PTPRN: variants seen among roughly 807,000 people sequenced by gnomAD.
PTPRN encodes the protein protein tyrosine phosphatase receptor type N.
PTPRN carries 70 observed loss-of-function variants against 108.5 expected under a neutral mutation model. That is an observed-to-expected ratio of 0.65 (90% CI 0.53 to 0.79). PTPRN has a LOEUF of 0.79. PTPRN is among the 30% of genes least tolerant of loss of function. The pLI is 0.00. For missense variants in PTPRN, 1,136 were observed against 1,295.5 expected, an observed-to-expected ratio of 0.88 and a Z score of 1.89; for synonymous variants, 496 against 524.6, an observed-to-expected ratio of 0.95 and a Z score of 0.75.
chr2:219,300,062 C>G lies in PTPRN; in HGVS notation c.1359G>C (p.Gln453His). Reference protein sequence around the residue: ...VLLEKKSPLGQSQPTVAGQPS... With the variant: ...VLLEKKSPLGHSQPTVAGQPS... ...GCTGTCCTGCCACCGTGGGCTGGCT[C>G]TGGCCCAGTGGGCTTTTCTTCTCTA... is the stretch of plus-strand genomic sequence containing the variant. The change falls in exon 9 of 23, where the codon CAG becomes CAC. Residue 453 changes from glutamine to histidine, a missense_variant. Physicochemically the swap from Gln to His is conservative, Grantham distance 24. Coordinates refer to ENST00000295718, the MANE Select transcript of PTPRN (RefSeq NM_002846.4). The G allele has an allele frequency of 6.2e-7, 1 of 1,614,220 alleles. No homozygotes were observed. Among genetic ancestry groups the G allele is most frequent in the Non-Finnish European group, 8.5e-7 (1 of 1,180,036 alleles).
At chr2:219,305,661 C>T (rs1952465585) in intron 3 of PTPRN, among the ~76,000 whole-genome samples, 1 of 152,128 alleles carries the variant, frequency 6.6e-6, no homozygotes, top group Admixed American at 6.6e-5. Context: ...CCAAAGAATT[C>T]CAAATTTATA....
chr2:219,308,534 C>A (rs928912513), intron 1 of PTPRN, among the ~76,000 whole-genome samples: 1 of 152,132 alleles, frequency 6.6e-6, no homozygotes, highest in African/African-American at 2.4e-5. Flanking sequence ...CGAGGCTGCG[C>A]CCCTTCCCCC....
chr2:219,296,454 G>A lies in PTPRN; in HGVS notation c.2373C>T (p.Ile791=), dbSNP rs372749842. 12 of 1,614,074 alleles carry A rather than the reference G, an allele frequency of 7.4e-6. No homozygotes were observed. Among genetic ancestry groups the A allele is most frequent in the African/African-American group, 5.3e-5 (4 of 74,926 alleles). Residue 791 remains isoleucine, a synonymous_variant, in exon 17 of 23, where the codon ATC becomes ATT. Coordinates refer to ENST00000295718, the MANE Select transcript of PTPRN (RefSeq NM_002846.4). This position sits in a 1 kb window ranked among gnomAD's most constrained non-coding sequence, Gnocchi z 6.0. ...IATQGPLSHT[I]ADFWQMVWES... ...AAGAGCCCACCTGCCAGAAGTCTGC[G>A]ATGGTATGGGACAGCGGGCCCTGCG...
rs1952202271 is a variant in PTPRN at position 219,296,592 on chromosome 2, T to A, written c.2311-76A>T. 8 of 1,584,656 alleles carry A rather than the reference T, an allele frequency of 5.0e-6. No individual in the cohort carries two copies. The highest frequency in any genetic ancestry group is 1.1e-5 in the South Asian group (1 of 89,884). ...GACAGGCGTGGTCAGAGCAAGTGGG[T>A]CAGGGTCTGAGAAGGCTGGCAGTTC... On this transcript the variant is annotated intron_variant, in intron 16 of 22. Coordinates refer to ENST00000295718, the MANE Select transcript of PTPRN (RefSeq NM_002846.4). This position sits in a 1 kb window ranked among gnomAD's most constrained non-coding sequence, Gnocchi z 6.0.
At position 219,290,619 on chromosome 2, in the gene PTPRN, T is replaced by C. The variant is rs774219506; in HGVS notation, c.2795-8A>G. ...TGTCAATCTCCTTCACTCCTGGAGA[T>C]GGAGGTGGGGATGGGGCTGCTCAGG... is the stretch of plus-strand genomic sequence containing the variant. On this transcript the variant is annotated splice_region_variant and splice_polypyrimidine_tract_variant and intron_variant, in intron 21 of 22. Coordinates refer to ENST00000295718, the MANE Select transcript of PTPRN (RefSeq NM_002846.4). This position sits in a 1 kb window ranked among gnomAD's most constrained non-coding sequence, Gnocchi z 4.2. The C allele has an allele frequency of 1.0e-5, 16 of 1,551,228 alleles. No individual in the cohort carries two copies. The African/African-American group carries it at 1.5e-4, about 15-fold the overall frequency.
intron 4 of PTPRN, 103 bp downstream of exon 4, chr2:219,303,632 G>T: frequency 9.4e-7 from 1 of 1,063,066 alleles, no homozygotes; most frequent in Non-Finnish European, 1.4e-6. Context: ...GCCCCAGCAT[G>T]CTGGCCTTGG....
intron 3 of PTPRN, 196 bp from the exon 4 acceptor site, chr2:219,304,027 T>A (rs1027053165): frequency 4.5e-6 from 2 of 448,182 alleles, no homozygotes. Flanking sequence ...CCACCTGGGT[T>A]TGAATCCTGC....
At chr2:219,291,722 A>C (rs1240775311) in intron 19 of PTPRN, 199 bp from the exon 20 acceptor site, 1 of 608,156 alleles carries the variant, frequency 1.6e-6, no homozygotes, top group African/African-American at 1.9e-5. Flanking sequence ...TCGCCTTGTC[A>C]CTTGCAAGCT....
rs750386625 is a variant in PTPRN at position 219,303,721 on chromosome 2, G to T, written c.377+14C>A. ...GCCTCACCATTGCTAGAGTTGTAGA[G>T]AAAGGCTGCCTACCTGTCCCTTGGA... On this transcript the variant is annotated intron_variant, in intron 4 of 22. Coordinates refer to ENST00000295718, the MANE Select transcript of PTPRN (RefSeq NM_002846.4). The T allele has an allele frequency of 6.2e-7, 1 of 1,606,320 alleles. No homozygotes were observed. Among genetic ancestry groups the T allele is most frequent in the Non-Finnish European group, 8.5e-7 (1 of 1,173,110 alleles).
chr2:219,293,735 T>G (rs1367806920), intron 19 of PTPRN, among the ~76,000 whole-genome samples: 1 of 151,762 alleles, frequency 6.6e-6, no homozygotes, highest in Non-Finnish European at 1.5e-5. Flanking sequence ...GTTCAGAAAC[T>G]ATACCCATGT....
rs756304148 is a variant in PTPRN, at chr2:219,291,463, C to T, written c.2729+7G>A. ...GGACCAGAGAGATGAATCTCCTCTCCACCCACCTGCAGTGCACGATGATGG... is the reference window on the plus strand; with the variant it reads ...GGACCAGAGAGATGAATCTCCTCTCTACCCACCTGCAGTGCACGATGATGG... On this transcript the variant is annotated splice_region_variant and intron_variant, in intron 20 of 22. Transcript: ENST00000295718. 8.7e-6 allele frequency: 14 copies of T among 1,613,620 alleles called. No individual in the cohort carries two copies. The highest frequency in any genetic ancestry group is 2.2e-5 in the South Asian group (2 of 91,076).
At chr2:219,291,124 G>A (rs959797625) in intron 20 of PTPRN, among the ~76,000 whole-genome samples, 4 of 152,098 alleles carry the variant, frequency 2.6e-5, no homozygotes, top group African/African-American at 9.7e-5. Context: ...TGGGCAATGG[G>A]ACAACCAAAG....
In PTPRN at chr2:219,291,483, T is replaced by G; in HGVS notation, c.2716A>C (p.Ile906Leu). 1 of 1,613,956 alleles carries G rather than the reference T, an allele frequency of 6.2e-7. No homozygotes were observed. The highest frequency in any genetic ancestry group is 8.5e-7 in the Non-Finnish European group (1 of 1,179,962). The change falls in exon 20 of 23, where the codon ATC (isoleucine) becomes CTC (leucine). Residue 906 changes from isoleucine (I) to leucine (L), a missense_variant. Ile to Leu is a conservative substitution (Grantham distance 5). Transcript: ENST00000295718. ...CTCTCCACCCACCTGCAGTGCACGA[T>G]GATGGGGCAGGAGCGGCCCCGGTAG... ...KCYRGRSCPI[I>L]VHCSDGAGRT...
rs747918524 is a variant in PTPRN at position 219,296,479 on chromosome 2, G to A, written c.2348C>T (p.Thr783Met). 16 of 1,614,078 alleles carry A rather than the reference G, an allele frequency of 9.9e-6. No individual in the cohort carries two copies. The Admixed American group carries it at 1.5e-4, about 15-fold the overall frequency. Residue 783 changes from threonine (T) to methionine (M), a missense_variant, in exon 17 of 23, where the codon ACG (threonine) becomes ATG (methionine). By Grantham distance (81) the Thr-to-Met change is moderately conservative. Coordinates refer to ENST00000295718, the MANE Select transcript of PTPRN (RefSeq NM_002846.4). This position sits in a 1 kb window ranked among gnomAD's most constrained non-coding sequence, Gnocchi z 6.0. ...HDPRMPAYIATQGPLSHTIAD... is the reference protein window; with the variant it reads ...HDPRMPAYIAMQGPLSHTIAD... ...GATGGTATGGGACAGCGGGCCCTGC[G>A]TGGCTATGTAGGCTGGCATCCGAGG...
rs1371770925 is a variant in PTPRN, at chr2:219,308,501, T to G, written c.116-659A>C. 3.3e-5 allele frequency among the ~76,000 whole-genome samples: 5 copies of G among 152,142 alleles called. No homozygotes were observed. In the South Asian group the frequency reaches 1.0e-3, roughly 31 times the overall value. On this transcript the variant is annotated intron_variant, in intron 1 of 22. Coordinates refer to ENST00000295718, the MANE Select transcript of PTPRN (RefSeq NM_002846.4). ...TGCCTCTCGGGCCTCCAAGCCCGGG[T>G]GGGGAAAGAGGGCGCCAGGCGGCGA...
intron 9 of PTPRN, 94 bp downstream of exon 9, chr2:219,299,891 C>T: frequency 6.4e-7 from 1 of 1,573,012 alleles, no homozygotes; most frequent in Non-Finnish European, 8.7e-7. Context: ...AATTCCCTGT[C>T]CCTGCACGTC....
chr2:219,294,987 A>C lies in PTPRN; in HGVS notation c.2663T>G (p.Leu888Arg). The C allele has an allele frequency of 1.3e-6, 2 of 1,595,254 alleles. No homozygotes were observed. The highest frequency in any genetic ancestry group is 1.7e-6 in the Non-Finnish European group (2 of 1,171,882). Reference protein sequence around the residue: ...EGTPASTRPLLDFRRKVNKCY... With the variant: ...EGTPASTRPLRDFRRKVNKCY... The stretch of plus-strand genomic sequence containing the variant: ...CGCCCGCGCTCACCTGCGGAAGTCC[A>C]GCAGGGGCCGCGTGGAGGCCGGTGT... Residue 888 changes from leucine (L) to arginine (R), a missense_variant, in exon 19 of 23, where the codon CTG (leucine) becomes CGG (arginine). Coordinates refer to ENST00000295718, the MANE Select transcript of PTPRN (RefSeq NM_002846.4).
chr2:219,300,904 A>G (rs1952329386), intron 8 of PTPRN, 39 bp downstream of exon 8: 4 of 1,608,548 alleles, frequency 2.5e-6, no homozygotes, highest in Non-Finnish European at 3.4e-6. Context: ...GCGTGCTGCC[A>G]TGGGGTGATT....
intron 19 of PTPRN, chr2:219,291,966 G>T (rs1952063743): frequency 5.2e-6 from 1 of 191,070 alleles, no homozygotes; most frequent in Admixed American, 5.3e-5. Flanking sequence ...AGACACTTCT[G>T]CCCAAGTCCA....
Sources: allele counts gnomAD v4.1 joint callset (sites outside exome capture counted in the v4.1 genomes callset), GRCh38; gene constraint gnomAD v4.1.1; non-coding constraint Gnocchi (gnomAD v3.1); transcripts MANE v1.5; gene names NCBI Gene and HGNC (gene_info 2026-07-23, HGNC 2026-07-21).